Variants in FOXN3 observed in about 807,000 individuals in gnomAD.
FOXN3 encodes the protein forkhead box N3, also known as forkhead box protein N3.
A neutral mutation model predicts 38.4 loss-of-function variants in FOXN3; 7 were observed. The ratio of observed to expected loss-of-function variants is 0.18; its 90% confidence interval spans 0.10 to 0.34. FOXN3 has a LOEUF of 0.34. Among genes scored for constraint, FOXN3 ranks in the 10% least tolerant of loss-of-function variants. The pLI, the probability that FOXN3 is intolerant of heterozygous loss-of-function variation, is 1.00. For missense variants in FOXN3, 456 were observed against 613.4 expected (o/e 0.74, Z 2.71); for synonymous variants, 230 against 242.2 (o/e 0.95, Z 0.47).
At chr14:89,397,997 C>T (rs891552848) in intron 2 of FOXN3, among the ~76,000 whole-genome samples, 2 of 152,186 alleles carry the variant, frequency 1.3e-5, no homozygotes, top group African/African-American at 4.8e-5. Context: ...CTCTCCCTGT[C>T]GCCAGCCCCA....
At chr14:89,511,254 T>TC (rs1432896952) in intron 1 of FOXN3, among the ~76,000 whole-genome samples, 292 of 25,336 alleles carry the variant, frequency 0.012, 76 homozygotes, top group African/African-American at 0.026. Context: ...TTCTTTTCTT[T>TC]CTTTCTTTCT....
At chr14:89,230,739 A>G in intron 4 of FOXN3, 1 of 368,138 alleles carries the variant, frequency 2.7e-6, no homozygotes, top group Non-Finnish European at 5.6e-6. Flanking sequence ...CAGGCGCCAC[A>G]CACTCTTTAT....
At chr14:89,566,652 C>T (rs1424267419) in intron 1 of FOXN3, among the ~76,000 whole-genome samples, 2 of 152,286 alleles carry the variant, frequency 1.3e-5, no homozygotes, top group East Asian at 1.9e-4. Context: ...TGTTGGTTTT[C>T]GGGAAATGAG....
intron 1 of FOXN3, among the ~76,000 whole-genome samples, chr14:89,481,474 T>C (rs1893328508): frequency 6.6e-6 from 1 of 152,166 alleles, no homozygotes; most frequent in South Asian, 2.1e-4. Context: ...TTTCTACCAG[T>C]ATGTGGTCTG....
In FOXN3 at chr14:89,360,764, CACT is replaced by C. The variant is rs1174675696; in HGVS notation, c.544-9959_544-9957del. 5.9e-3 allele frequency among the ~76,000 whole-genome samples: 430 copies of C among 73,478 alleles called. 12 individuals are homozygous for C. Among genetic ancestry groups the C allele is most frequent in the African/African-American group, 0.016 (239 of 14,900 alleles). 48.2% of individuals were successfully genotyped at this position (73,478 alleles called of 152,430 possible). On this transcript the variant is annotated intron_variant, in intron 2 of 5. Coordinates refer to ENST00000557258, the MANE Select transcript of FOXN3 (RefSeq NM_005197.4). ...GCACCACCTCCACCACCACCTCCAC[CACT>C]ACCACCTCCACCACCACCTCCACCA... is the stretch of plus-strand genomic sequence containing the variant.
chr14:89,170,342 GAGA>G (rs1356602682), intron 5 of FOXN3, among the ~76,000 whole-genome samples: 1 of 152,186 alleles, frequency 6.6e-6, no homozygotes, highest in African/African-American at 2.4e-5. Context: ...GTTTCATATG[GAGA>G]AGATTTGACA....
At chr14:89,575,778 G>A (rs777942333) in intron 1 of FOXN3, among the ~76,000 whole-genome samples, 3 of 152,168 alleles carry the variant, frequency 2.0e-5, no homozygotes, top group African/African-American at 7.2e-5. Flanking sequence ...CCCAGTTCAC[G>A]CTTTTGTCTA....
At chr14:89,188,801 G>T (rs1468980082) in intron 4 of FOXN3, among the ~76,000 whole-genome samples, 2 of 152,042 alleles carry the variant, frequency 1.3e-5, no homozygotes, top group African/African-American at 4.8e-5. Flanking sequence ...TTACAATCTG[G>T]TCTGTACTTT....
At chr14:89,225,091 T>C (rs2139846670) in intron 4 of FOXN3, among the ~76,000 whole-genome samples, 1 of 142,002 alleles carries the variant, frequency 7.0e-6, no homozygotes, top group South Asian at 2.2e-4. Context: ...ATTGTGCCAC[T>C]GCACTCCAGC....
intron 1 of FOXN3, among the ~76,000 whole-genome samples, chr14:89,462,008 C>T (rs17798897): frequency 0.011 from 1,635 of 152,218 alleles, 15 homozygotes; most frequent in Non-Finnish European, 0.016. Flanking sequence ...TTGTAAATAT[C>T]GACTTTTGCA....
intron 2 of FOXN3, among the ~76,000 whole-genome samples, chr14:89,382,759 A>T (rs1890684297): frequency 6.6e-6 from 1 of 152,228 alleles, no homozygotes; most frequent in South Asian, 2.1e-4. Context: ...AGCTCTTTAG[A>T]TAACATATGA....
At position 89,162,343 on chromosome 14, in the gene FOXN3, A is replaced by G; in HGVS notation, c.*71T>C. On this transcript the variant is annotated 3_prime_UTR_variant, in exon 6 of 6. Coordinates refer to ENST00000557258, the MANE Select transcript of FOXN3 (RefSeq NM_005197.4). The surrounding 1 kb of genome is among the most constrained non-coding windows in gnomAD (Gnocchi z 7.2). ...GAAAAAAAATTGCTGATATTGCCACAAATCATTAGAAATCTCCTGACATGC... is the reference window on the plus strand; with the variant it reads ...GAAAAAAAATTGCTGATATTGCCACGAATCATTAGAAATCTCCTGACATGC... 1 of 1,306,484 alleles carries G rather than the reference A, an allele frequency of 7.7e-7. No individual in the cohort carries two copies. The highest frequency in any genetic ancestry group is 1.7e-5 in the South Asian group (1 of 57,760). 80.9% of individuals were successfully genotyped at this position (1,306,484 alleles called of 1,614,324 possible). A position where few individuals can be genotyped will look rare whatever the true frequency, so the allele number is the denominator to read the frequency against.
intron 4 of FOXN3, among the ~76,000 whole-genome samples, chr14:89,270,198 C>T (rs1339844322): frequency 6.6e-6 from 1 of 152,226 alleles, no homozygotes; most frequent in Non-Finnish European, 1.5e-5. Context: ...CCACTCCTTC[C>T]ATGGCCATCC....
intron 5 of FOXN3, 37 bp downstream of exon 5, chr14:89,180,664 C>A: frequency 2.7e-6 from 4 of 1,496,506 alleles, no homozygotes; most frequent in Non-Finnish European, 3.6e-6. Flanking sequence ...CCTTCCCACT[C>A]CCCAGGCTGG....
At chr14:89,177,240 A>G (rs1887546082) in intron 5 of FOXN3, among the ~76,000 whole-genome samples, 2 of 151,830 alleles carry the variant, frequency 1.3e-5, no homozygotes, top group Admixed American at 1.3e-4. Context: ...TGAACTCCTG[A>G]CCTCAGGTGA....
Position 89,511,236 on chromosome 14 carries a change from C to CTTT in FOXN3, c.-14-98747_-14-98746insAAA, listed in dbSNP as rs1491163299. 2.7e-3 allele frequency among the ~76,000 whole-genome samples: 28 copies of CTTT among 10,392 alleles called. 1 individual carries two copies. Among genetic ancestry groups the CTTT allele is most frequent in the Admixed American group, 4.4e-3 (2 of 450 alleles). The allele number at this position is 10,392 out of a possible 152,430, so 6.8% of individuals were successfully genotyped here. The stretch of plus-strand genomic sequence containing the variant: ...CTTTCTTTCTTTCTTTCTTTTCTTT[C>CTTT]CTTTTCTTTCTTTTCTTTCTTTCTT... On this transcript the variant is annotated intron_variant, in intron 1 of 6. Coordinates refer to the FOXN3 transcript ENST00000345097.
rs114014012 is a variant in FOXN3, at chr14:89,427,900, C to G, written c.-14-15410G>C. ...CTCAAGCTGGCATCTATTAACTCTA[C>G]AGATCAGTCAGAGAAAAGTAGCCTC... On this transcript the variant is annotated intron_variant, in intron 1 of 6. Transcript: ENST00000345097. Among the ~76,000 whole-genome samples the G allele has an allele frequency of 2.4e-3, 358 of 152,104 alleles. 2 individuals are homozygous for G. The highest frequency in any genetic ancestry group is 8.3e-3 in the African/African-American group (343 of 41,514).
At chr14:89,278,925 A>T (rs1886378895) in intron 4 of FOXN3, among the ~76,000 whole-genome samples, 1 of 152,142 alleles carries the variant, frequency 6.6e-6, no homozygotes, top group African/African-American at 2.4e-5. Context: ...TTAGGTACTC[A>T]TATCTTTATT....
intron 1 of FOXN3, among the ~76,000 whole-genome samples, chr14:89,523,376 C>T (rs1894360799): frequency 6.6e-6 from 1 of 152,134 alleles, no homozygotes; most frequent in South Asian, 2.1e-4. Context: ...ACCAAAAACA[C>T]TACACTGAAC....
Sources: allele counts gnomAD v4.1 joint callset (sites outside exome capture counted in the v4.1 genomes callset), GRCh38; gene constraint gnomAD v4.1.1; non-coding constraint Gnocchi (gnomAD v3.1); transcripts MANE v1.5; gene names NCBI Gene and HGNC (gene_info 2026-07-23, HGNC 2026-07-21).